The following PDE6D variants were observed in gnomAD, a reference collection of about 807,000 sequenced individuals.
The protein encoded by PDE6D is retinal rod rhodopsin-sensitive cGMP 3',5'-cyclic phosphodiesterase subunit delta.
A neutral mutation model predicts 21.9 loss-of-function variants in PDE6D; 10 were observed. That is an observed-to-expected ratio of 0.46 (90% CI 0.28 to 0.78). The LOEUF (loss-of-function observed/expected upper bound fraction) is 0.78. Ranked by LOEUF, PDE6D falls within the 30% of genes least tolerant of loss-of-function variation. PDE6D has a pLI of 0.12. For synonymous variants in PDE6D, 59 were observed against 63.5 expected, an observed-to-expected ratio of 0.93 and a Z score of 0.34; for missense variants, 139 against 184.8, an observed-to-expected ratio of 0.75 and a Z score of 1.44.
intron 1 of PDE6D, among the ~76,000 whole-genome samples, chr2:231,753,246 G>A (rs1279222377): frequency 2.0e-5 from 3 of 151,478 alleles, no homozygotes; most frequent in South Asian, 4.2e-4. Context: ...TGTTTCGGCC[G>A]GGAGCGGTGG....
At chr2:231,747,642 A>G (rs942295125) in intron 1 of PDE6D, among the ~76,000 whole-genome samples, 1 of 152,176 alleles carries the variant, frequency 6.6e-6, no homozygotes, top group Non-Finnish European at 1.5e-5. Context: ...TTAGATGTCA[A>G]TCCCTGGCTT....
chr2:231,747,123 CTT>C (rs1239613268), intron 1 of PDE6D, among the ~76,000 whole-genome samples: 1 of 152,126 alleles, frequency 6.6e-6, no homozygotes, highest in East Asian at 1.9e-4. Context: ...GAGTTTCGCT[CTT>C]TGTTGCCCAG....
At position 231,781,218 on chromosome 2, in the gene PDE6D, G is replaced by A. The variant is rs2049121970; in HGVS notation, c.-104C>T. On this transcript the variant is annotated 5_prime_UTR_variant, in exon 1 of 5. Transcript: ENST00000287600. The stretch of plus-strand genomic sequence containing the variant: ...AGCCGCAGCCCGGCTTGGAGACCTC[G>A]GGCTAGCAGCCGCAGCGGCCAGACC... The A allele has an allele frequency of 8.9e-7, 1 of 1,127,630 alleles. No homozygotes were observed. Among genetic ancestry groups the A allele is most frequent in the Non-Finnish European group, 1.3e-6 (1 of 758,382 alleles). The allele number at this position is 1,127,630 out of a possible 1,614,324, so 69.9% of individuals were successfully genotyped here.
intron 1 of PDE6D, among the ~76,000 whole-genome samples, chr2:231,775,488 T>TTG (rs1553560559): frequency 2.9e-5 from 4 of 137,112 alleles, no homozygotes; most frequent in African/African-American, 1.0e-4. Flanking sequence ...TTTGTGTGTG[T>TTG]TTTTTTTTTT....
chr2:231,746,046 T>C (rs1255828237), intron 1 of PDE6D, among the ~76,000 whole-genome samples: 1 of 152,256 alleles, frequency 6.6e-6, no homozygotes, highest in Non-Finnish European at 1.5e-5. Flanking sequence ...GGGCTGCATG[T>C]GGCCCAACAC....
rs770187087 is a variant in PDE6D, at chr2:231,732,922, A to G, written c.*30T>C. ...GTTTCCTCCTCCCTCCAAAAAACCC[A>G]AATTCTTGAAATGTACACACATTCT... On this transcript the variant is annotated 3_prime_UTR_variant, in exon 5 of 5. Transcript: ENST00000287600. The G allele has an allele frequency of 2.0e-6, 3 of 1,504,002 alleles. No homozygotes were observed. The highest frequency in any genetic ancestry group is 1.8e-6 in the Non-Finnish European group (2 of 1,088,466). The allele number at this position is 1,504,002 out of a possible 1,614,324, so 93.2% of individuals were successfully genotyped here.
intron 1 of PDE6D, among the ~76,000 whole-genome samples, chr2:231,747,364 T>A (rs547944966): frequency 6.6e-6 from 1 of 152,354 alleles, no homozygotes; most frequent in African/African-American, 2.4e-5. Context: ...GTGCTGGGAT[T>A]ACAGGCGTGA....
intron 1 of PDE6D, among the ~76,000 whole-genome samples, chr2:231,755,890 A>G (rs2048879176): frequency 6.6e-6 from 1 of 152,064 alleles, no homozygotes; most frequent in African/African-American, 2.4e-5. Context: ...ATTGCACTCC[A>G]GCCTGGGTGA....
intron 1 of PDE6D, among the ~76,000 whole-genome samples, chr2:231,771,221 G>C (rs2049013234): frequency 6.6e-6 from 1 of 151,976 alleles, no homozygotes; most frequent in South Asian, 2.1e-4. Flanking sequence ...TGCCCACTTA[G>C]GCCTCCCAAA....
intron 1 of PDE6D, among the ~76,000 whole-genome samples, chr2:231,745,735 T>A (rs575839073): frequency 6.6e-6 from 1 of 152,300 alleles, no homozygotes; most frequent in African/African-American, 2.4e-5. Context: ...AAATATTCCA[T>A]AAATATTATG....
chr2:231,732,882 G>C lies in PDE6D; in HGVS notation c.*70C>G. The C allele has an allele frequency of 9.8e-7, 1 of 1,023,278 alleles. No individual in the cohort carries two copies. The highest frequency in any genetic ancestry group is 1.5e-6 in the Non-Finnish European group (1 of 653,100). The allele number at this position is 1,023,278 out of a possible 1,614,324, so 63.4% of individuals were successfully genotyped here. On this transcript the variant is annotated 3_prime_UTR_variant, in exon 5 of 5. Coordinates refer to ENST00000287600, the MANE Select transcript of PDE6D (RefSeq NM_002601.4). Reference sequence around the variant, plus strand: ...ATGTGTCAAAAATCAAACGTGTGGAGGAAAAAAGTAAACAGTTTCCTCCTC... The same window carrying C: ...ATGTGTCAAAAATCAAACGTGTGGACGAAAAAAGTAAACAGTTTCCTCCTC...
At chr2:231,759,669 A>G (rs838450) in intron 1 of PDE6D, among the ~76,000 whole-genome samples, 11,907 of 152,232 alleles carry the variant, frequency 0.078, 527 homozygotes, top group African/African-American at 0.11. Context: ...GTTGGTATAG[A>G]TTAATAACCA....
At chr2:231,770,549 G>A (rs1304719622) in intron 1 of PDE6D, among the ~76,000 whole-genome samples, 1 of 152,166 alleles carries the variant, frequency 6.6e-6, no homozygotes, top group East Asian at 1.9e-4. Flanking sequence ...GGGCATGGTG[G>A]CTCATGTCTG....
At chr2:231,747,218 G>A (rs573341610) in intron 1 of PDE6D, among the ~76,000 whole-genome samples, 2 of 152,322 alleles carry the variant, frequency 1.3e-5, no homozygotes, top group Admixed American at 6.5e-5. Context: ...AGCCTCCTGA[G>A]TAGCTGGGAT....
At chr2:231,747,576 T>A (rs1295395393) in intron 1 of PDE6D, among the ~76,000 whole-genome samples, 1 of 152,238 alleles carries the variant, frequency 6.6e-6, no homozygotes, top group Admixed American at 6.5e-5. Flanking sequence ...CCGCTTCTAT[T>A]CTTGCCTCCT....
At chr2:231,738,961 G>A in intron 2 of PDE6D, 139 bp downstream of exon 2, 1 of 436,554 alleles carries the variant, frequency 2.3e-6, no homozygotes, top group Non-Finnish European at 4.3e-6. Flanking sequence ...AACTGAAACT[G>A]TCAACAACAC....
At chr2:231,745,787 C>A (rs1172934449) in intron 1 of PDE6D, among the ~76,000 whole-genome samples, 1 of 152,098 alleles carries the variant, frequency 6.6e-6, no homozygotes, top group Non-Finnish European at 1.5e-5. Context: ...TTACGCAAAT[C>A]CTCTTGTGTC....
At position 231,732,875 on chromosome 2, in the gene PDE6D, G is replaced by A. The variant is rs1215996136; in HGVS notation, c.*77C>T. On this transcript the variant is annotated 3_prime_UTR_variant, in exon 5 of 5. Transcript: ENST00000287600. ...GGGGTGTATGTGTCAAAAATCAAACGTGTGGAGGAAAAAAGTAAACAGTTT... is the reference window on the plus strand; with the variant it reads ...GGGGTGTATGTGTCAAAAATCAAACATGTGGAGGAAAAAAGTAAACAGTTT... The A allele has an allele frequency of 8.5e-6, 8 of 940,002 alleles. No homozygotes were observed. Among genetic ancestry groups the A allele is most frequent in the South Asian group, 4.1e-5 (3 of 72,998 alleles). 58.2% of individuals were successfully genotyped at this position (940,002 alleles called of 1,614,324 possible).
chr2:231,740,452 G>A (rs1574618260), intron 1 of PDE6D, among the ~76,000 whole-genome samples: 2 of 152,174 alleles, frequency 1.3e-5, no homozygotes, highest in East Asian at 3.9e-4. Context: ...GGAGGCTGAG[G>A]TGGGTGGATT....
Sources: gnomAD v4.1 joint callset for allele counts (sites outside exome capture counted in the v4.1 genomes callset) on GRCh38, gnomAD v4.1.1 for gene constraint, MANE v1.5 for transcripts, NCBI Gene and HGNC (gene_info 2026-07-23, HGNC 2026-07-21) for gene names.